Variants in EYS observed in about 807,000 individuals in gnomAD.
The protein encoded by EYS is protein eyes shut homolog.
EYS carries 250 observed loss-of-function variants against 282.1 expected under a neutral mutation model. That is an observed-to-expected ratio of 0.89 (90% CI 0.80 to 0.98). The LOEUF is 0.98. Ranked by LOEUF, EYS falls within the 50% of genes least tolerant of loss-of-function variation. The pLI, the probability that EYS is intolerant of heterozygous loss-of-function variation, is 0.00. For missense variants in EYS, 4,016 were observed against 3,709.0 expected (o/e 1.08, Z -2.15); for synonymous variants, 1,355 against 1,282.9 (o/e 1.06, Z -1.20).
chr6:64,140,801 C>T (rs1339063688), intron 31 of EYS, among the ~76,000 whole-genome samples: 5 of 152,130 alleles, frequency 3.3e-5, no homozygotes, highest in South Asian at 2.1e-4. Context: ...GCATTCCCCA[C>T]TCTCCTTTAT....
intron 30 of EYS, among the ~76,000 whole-genome samples, chr6:64,232,794 TAA>T (rs1425518346): frequency 1.3e-5 from 2 of 152,204 alleles, no homozygotes; most frequent in African/African-American, 4.8e-5. Flanking sequence ...ATAAATAATA[TAA>T]GTTCTAACAC....
chr6:65,281,926 AT>A (rs1416278610), intron 12 of EYS, among the ~76,000 whole-genome samples: 2 of 152,184 alleles, frequency 1.3e-5, no homozygotes, highest in East Asian at 1.9e-4. Flanking sequence ...CTATGTTAAA[AT>A]TTTTTATCCA....
At chr6:65,172,538 T>A (rs1023688052) in intron 12 of EYS, among the ~76,000 whole-genome samples, 1 of 151,416 alleles carries the variant, frequency 6.6e-6, no homozygotes. Context: ...ATGCTGTTAC[T>A]GTTTTTCTTA....
chr6:65,152,996 A>G (rs80248792), intron 12 of EYS, among the ~76,000 whole-genome samples: 1 of 151,150 alleles, frequency 6.6e-6, no homozygotes, highest in South Asian at 2.1e-4. Flanking sequence ...AAAAAAAAAA[A>G]GTCAAAAACT....
chr6:65,510,013 T>C (rs1164949521), intron 2 of EYS, among the ~76,000 whole-genome samples: 1 of 152,080 alleles, frequency 6.6e-6, no homozygotes, highest in Admixed American at 6.6e-5. Context: ...ATTTTCTTTT[T>C]TTTTTCTTTT....
intron 1 of EYS, among the ~76,000 whole-genome samples, chr6:65,652,035 T>TTTTC (rs1451132169): frequency 8.6e-5 from 13 of 151,940 alleles, no homozygotes; most frequent in African/African-American, 2.9e-4. Context: ...AGCTCCATTT[T>TTTTC]TTTCTGATGT....
intron 12 of EYS, among the ~76,000 whole-genome samples, chr6:65,256,111 AGAT>A (rs1488244563): frequency 2.0e-5 from 3 of 152,106 alleles, no homozygotes; most frequent in African/African-American, 7.2e-5. Flanking sequence ...GTCCATCAAC[AGAT>A]GAGTGGATAG....
chr6:64,782,739 G>A (rs1773898964), intron 22 of EYS, among the ~76,000 whole-genome samples: 1 of 152,150 alleles, frequency 6.6e-6, no homozygotes, highest in Non-Finnish European at 1.5e-5. Flanking sequence ...TGCCATTAAA[G>A]TCCATATGTA....
At chr6:64,984,154 T>C (rs1770772264) in intron 14 of EYS, among the ~76,000 whole-genome samples, 1 of 151,440 alleles carries the variant, frequency 6.6e-6, no homozygotes, top group East Asian at 1.9e-4. Context: ...GACCAACTAA[T>C]GAAAGGCAAA....
intron 1 of EYS, among the ~76,000 whole-genome samples, chr6:65,689,521 T>C (rs142881038): frequency 6.7e-6 from 1 of 149,644 alleles, no homozygotes; most frequent in African/African-American, 2.4e-5. Flanking sequence ...ACTTAAAGTA[T>C]AATAAAAAAA....
At chr6:64,308,923 G>A (rs1218135283) in intron 29 of EYS, among the ~76,000 whole-genome samples, 1 of 151,988 alleles carries the variant, frequency 6.6e-6, no homozygotes, top group Non-Finnish European at 1.5e-5. Flanking sequence ...GGAAAGTACT[G>A]ATTTGTCATT....
At chr6:64,258,908 G>T (rs2150351963) in intron 30 of EYS, among the ~76,000 whole-genome samples, 1 of 152,082 alleles carries the variant, frequency 6.6e-6, no homozygotes, top group South Asian at 2.1e-4. Flanking sequence ...ATGGAATTCA[G>T]GTAGATCAAT....
At chr6:64,586,702 T>C (rs1766244041) in intron 26 of EYS, among the ~76,000 whole-genome samples, 1 of 152,248 alleles carries the variant, frequency 6.6e-6, no homozygotes, top group South Asian at 2.1e-4. Context: ...TTATCCTTTT[T>C]ATTCTTGGAG....
rs145682223 is a variant in EYS, at chr6:64,010,029, A to G, written c.6726-10846T>C. Among the ~76,000 whole-genome samples the G allele has an allele frequency of 5.0e-3, 690 of 137,980 alleles. 6 individuals are homozygous for G. Among genetic ancestry groups the G allele is most frequent in the African/African-American group, 0.018 (660 of 35,948 alleles). The allele number at this position is 137,980 out of a possible 152,430, so 90.5% of individuals were successfully genotyped here. A position where few individuals can be genotyped will look rare whatever the true frequency, so the allele number is the denominator to read the frequency against. On this transcript the variant is annotated intron_variant, in intron 33 of 42. Coordinates refer to ENST00000503581, the MANE Select transcript of EYS (RefSeq NM_001142800.2). ...TTAGGGGGCCAGTGCTCAGCTCAGC[A>G]CTCCTGGGCTGTGTGCTCTAACTCT...
chr6:64,288,673 T>C (rs1445105385), intron 30 of EYS, among the ~76,000 whole-genome samples: 1 of 152,098 alleles, frequency 6.6e-6, no homozygotes, highest in Non-Finnish European at 1.5e-5. Context: ...CTCCACATGA[T>C]TGCATTTTTA....
At chr6:64,079,182 A>G (rs1771874671) in intron 32 of EYS, among the ~76,000 whole-genome samples, 1 of 152,046 alleles carries the variant, frequency 6.6e-6, no homozygotes, top group South Asian at 2.1e-4. Flanking sequence ...GATTTTGTAT[A>G]AAAAACAAGT....
At position 64,278,552 on chromosome 6, in the gene EYS, G is replaced by C. The variant is rs369012181; in HGVS notation, c.6191+28418C>G. Among the ~76,000 whole-genome samples, 4 of 152,130 alleles carry C rather than the reference G, an allele frequency of 2.6e-5. No homozygotes were observed. In the East Asian group the frequency reaches 7.7e-4, roughly 29 times the overall value. On this transcript the variant is annotated intron_variant, in intron 30 of 42. Transcript: ENST00000503581. ...AAAATTAAACTGTTTACTGTAATTA[G>C]GAACCCTAAAAACACACTACTAAAA... is the stretch of plus-strand genomic sequence containing the variant.
chr6:64,363,318 C>CA (rs550819360), intron 29 of EYS, among the ~76,000 whole-genome samples: 13 of 151,646 alleles, frequency 8.6e-5, no homozygotes, highest in African/African-American at 2.7e-4. Context: ...GGACAGTTGG[C>CA]AAAAAAATAA....
intron 12 of EYS, among the ~76,000 whole-genome samples, chr6:65,166,576 G>C (rs1162739227): frequency 2.0e-5 from 3 of 150,982 alleles, no homozygotes; most frequent in Non-Finnish European, 4.4e-5. Context: ...TACTACAAAT[G>C]GACCAAATAG....
Sources: allele counts gnomAD v4.1 joint callset (sites outside exome capture counted in the v4.1 genomes callset), GRCh38; gene constraint gnomAD v4.1.1; transcripts MANE v1.5; gene names NCBI Gene and HGNC (gene_info 2026-07-23, HGNC 2026-07-21).